The following BANK1 variants were observed in gnomAD, a reference collection of about 807,000 sequenced individuals.
BANK1 encodes the protein B cell scaffold protein with ankyrin repeats 1, also known as B-cell scaffold protein with ankyrin repeats.
Under a neutral mutation model 94.5 loss-of-function variants are expected in BANK1, and 95 were observed. The observed-to-expected ratio is 1.00, with a 90% CI of 0.85 to 1.19. The LOEUF (loss-of-function observed/expected upper bound fraction) is 1.19, where lower values mean the gene tolerates loss of function less well. BANK1 is among the 50% of genes most tolerant of loss of function. BANK1 has a pLI of 0.00. For synonymous variants in BANK1, 334 were observed against 308.4 expected, an observed-to-expected ratio of 1.08 and a Z score of -0.87; for missense variants, 987 against 932.2, an observed-to-expected ratio of 1.06 and a Z score of -0.77.
At chr4:101,814,019 T>A in intron 1 of BANK1, 3 of 410,314 alleles carry the variant, frequency 7.3e-6, no homozygotes, top group Non-Finnish European at 9.9e-6. Context: ...TGAGATGATA[T>A]TTCTTTAGAG....
intron 7 of BANK1, among the ~76,000 whole-genome samples, chr4:101,922,948 T>C (rs1578400484): frequency 6.6e-6 from 1 of 151,988 alleles, no homozygotes. Context: ...CTAAACATGC[T>C]ATGTAAACTC....
chr4:101,945,981 G>A (rs566603216), intron 7 of BANK1, among the ~76,000 whole-genome samples: 1 of 152,020 alleles, frequency 6.6e-6, no homozygotes, highest in South Asian at 2.1e-4. Context: ...TTGGGAACCT[G>A]CTCCTTTAAA....
intron 10 of BANK1, among the ~76,000 whole-genome samples, chr4:102,034,589 A>G (rs981447662): frequency 1.3e-5 from 2 of 152,202 alleles, no homozygotes; most frequent in Non-Finnish European, 2.9e-5. Flanking sequence ...TAGGGAAAAT[A>G]GTAGTGCTGG....
chr4:101,814,119 T>A (rs1026527982), intron 1 of BANK1, among the ~76,000 whole-genome samples: 9 of 152,186 alleles, frequency 5.9e-5, no homozygotes, highest in Non-Finnish European at 1.0e-4. Flanking sequence ...TTGAAAGATA[T>A]TAGTGTCACT....
At position 101,871,295 on chromosome 4, in the gene BANK1, G is replaced by GT. The variant is rs1284439688; in HGVS notation, c.903+657dup. 4.6e-5 allele frequency among the ~76,000 whole-genome samples: 7 copies of GT among 151,938 alleles called. No individual in the cohort carries two copies. The South Asian group carries it at 8.3e-4, about 18-fold the overall frequency. On this transcript the variant is annotated intron_variant, in intron 5 of 16. Transcript: ENST00000322953. ...ATTGTAACTTTGCTTATTTGTCTCA[G>GT]TTTTTTGCGTGGGTGAGAGGTAGAA...
intron 7 of BANK1, among the ~76,000 whole-genome samples, chr4:101,957,429 C>T (rs1378515405): frequency 6.6e-6 from 1 of 152,152 alleles, no homozygotes; most frequent in East Asian, 1.9e-4. Context: ...AGACACTATC[C>T]TCTCTCAGAA....
At chr4:101,981,074 C>T (rs1477024467) in intron 7 of BANK1, among the ~76,000 whole-genome samples, 1 of 152,032 alleles carries the variant, frequency 6.6e-6, no homozygotes, top group East Asian at 1.9e-4. Context: ...ATTTTGTCCT[C>T]TTGTGAATTG....
At chr4:101,802,200 C>T (rs1725377450) in intron 1 of BANK1, among the ~76,000 whole-genome samples, 1 of 152,240 alleles carries the variant, frequency 6.6e-6, no homozygotes, top group African/African-American at 2.4e-5. Flanking sequence ...CTTCCCAGTA[C>T]TTCCCTTCTG....
At chr4:101,893,824 C>A (rs1210669324) in intron 5 of BANK1, among the ~76,000 whole-genome samples, 1 of 151,946 alleles carries the variant, frequency 6.6e-6, no homozygotes, top group Non-Finnish European at 1.5e-5. Context: ...GCATTATAGG[C>A]CTGAAACAAT....
intron 13 of BANK1, among the ~76,000 whole-genome samples, chr4:102,063,864 T>TTA (rs1388561076): frequency 6.6e-6 from 1 of 151,966 alleles, no homozygotes; most frequent in Non-Finnish European, 1.5e-5. Flanking sequence ...AGACATGCTT[T>TTA]TTAATAAGTT....
At chr4:101,810,449 A>C (rs1725702562) in intron 1 of BANK1, among the ~76,000 whole-genome samples, 1 of 152,212 alleles carries the variant, frequency 6.6e-6, no homozygotes, top group African/African-American at 2.4e-5. Context: ...ATACACCATC[A>C]GTCTAGTTAA....
intron 6 of BANK1, 54 bp from the exon 7 acceptor site, chr4:101,917,939 T>G: frequency 3.4e-4 from 452 of 1,335,274 alleles, no homozygotes; most frequent in Non-Finnish European, 4.4e-4. Context: ...GACCTTTTAA[T>G]GAGATTGCCA....
intron 4 of BANK1, among the ~76,000 whole-genome samples, chr4:101,868,942 A>G (rs1468081696): frequency 6.6e-6 from 1 of 151,932 alleles, no homozygotes; most frequent in Non-Finnish European, 1.5e-5. Flanking sequence ...ATCTCATTGG[A>G]GGATTACTCT....
At chr4:101,976,096 A>T (rs900122075) in intron 7 of BANK1, among the ~76,000 whole-genome samples, 4 of 152,172 alleles carry the variant, frequency 2.6e-5, no homozygotes, top group Non-Finnish European at 5.9e-5. Flanking sequence ...GCTGAAAGGC[A>T]TTTAAAGAAA....
At chr4:101,818,286 A>G (rs934154003) in intron 1 of BANK1, among the ~76,000 whole-genome samples, 8 of 152,144 alleles carry the variant, frequency 5.3e-5, no homozygotes, top group Admixed American at 1.3e-4. Context: ...TAATGACTTG[A>G]TCAATATCCG....
At chr4:101,801,021 G>T (rs1013498751) in intron 1 of BANK1, among the ~76,000 whole-genome samples, 3 of 152,136 alleles carry the variant, frequency 2.0e-5, no homozygotes, top group Non-Finnish European at 4.4e-5. Flanking sequence ...GCCTCCCAAG[G>T]TGCGGATGTT....
At chr4:101,985,742 A>G (rs188815243) in intron 7 of BANK1, among the ~76,000 whole-genome samples, 30 of 152,130 alleles carry the variant, frequency 2.0e-4, no homozygotes, top group East Asian at 1.3e-3. Context: ...TGAAAATAAC[A>G]TGAAATTAAA....
rs1728865486 is a variant in BANK1 at position 102,074,659 on chromosome 4, C to A, written c.*660C>A. ...TCTATTATTTCTTAGAAACAATTTA[C>A]TAGCTTAGAATAGAAAGCAATGTTA... On this transcript the variant is annotated 3_prime_UTR_variant, in exon 17 of 17. Coordinates refer to ENST00000322953, the MANE Select transcript of BANK1 (RefSeq NM_017935.5). 6.6e-6 allele frequency: 1 copy of A among 151,974 alleles called. No individual in the cohort carries two copies. Among genetic ancestry groups the A allele is most frequent in the African/African-American group, 2.4e-5 (1 of 41,414 alleles). The allele number at this position is 151,974 out of a possible 1,614,324, so 9.4% of individuals were successfully genotyped here.
intron 7 of BANK1, among the ~76,000 whole-genome samples, chr4:101,936,302 C>T (rs1209301436): frequency 6.7e-6 from 1 of 150,040 alleles, no homozygotes; most frequent in African/African-American, 2.4e-5. Flanking sequence ...TGCACACATA[C>T]ATGCATATGT....
Sources: allele counts gnomAD v4.1 joint callset (sites outside exome capture counted in the v4.1 genomes callset), GRCh38; gene constraint gnomAD v4.1.1; transcripts MANE v1.5; gene names NCBI Gene and HGNC (gene_info 2026-07-23, HGNC 2026-07-21).